Variants in CCSER1 observed in about 807,000 individuals in gnomAD.
The protein encoded by CCSER1 is coiled-coil serine rich protein 1.
Under a neutral mutation model 82.0 loss-of-function variants are expected in CCSER1, and 41 were observed. That is an observed-to-expected ratio of 0.50 (90% CI 0.39 to 0.65). The LOEUF is 0.65. CCSER1 is among the 30% of genes least tolerant of loss of function. The pLI is 0.00. For missense variants in CCSER1, 1,119 were observed against 1,064.2 expected (o/e 1.05, Z -0.72); for synonymous variants, 414 against 383.9 (o/e 1.08, Z -0.92).
intron 1 of CCSER1, among the ~76,000 whole-genome samples, chr4:90,178,562 A>G (rs1013604840): frequency 2.0e-5 from 3 of 152,096 alleles, no homozygotes; most frequent in African/African-American, 7.2e-5. Flanking sequence ...TTACTAGGGA[A>G]AATTGAATAT....
At chr4:90,704,791 CA>C (rs1203234390) in intron 6 of CCSER1, among the ~76,000 whole-genome samples, 1 of 152,186 alleles carries the variant, frequency 6.6e-6, no homozygotes, top group East Asian at 1.9e-4. Context: ...GTGCATTTGT[CA>C]CGTAGTTCTC....
At chr4:90,635,031 A>G (rs1363828184) in intron 6 of CCSER1, among the ~76,000 whole-genome samples, 2 of 151,792 alleles carry the variant, frequency 1.3e-5, no homozygotes, top group Admixed American at 6.6e-5. Flanking sequence ...CACAGCAATC[A>G]AACATGTGGA....
At chr4:90,227,741 GT>G (rs1743474365) in intron 1 of CCSER1, among the ~76,000 whole-genome samples, 1 of 152,230 alleles carries the variant, frequency 6.6e-6, no homozygotes, top group African/African-American at 2.4e-5. Context: ...GTGCCAGACA[GT>G]GGGCGCAAGT....
rs1347285746 is a variant in CCSER1 at position 91,062,989 on chromosome 4, A to T, written c.2173-22961A>T. ...ATGATTTATTTGAGCACAGTTTAGT[A>T]CTCTATTAGACTATGTTGAGAGATC... On this transcript the variant is annotated intron_variant, in intron 9 of 10. Coordinates refer to ENST00000509176, the MANE Select transcript of CCSER1 (RefSeq NM_001145065.2). Among the ~76,000 whole-genome samples, 7 of 152,098 alleles carry T rather than the reference A, an allele frequency of 4.6e-5. 1 individual carries two copies. In the East Asian group the frequency reaches 1.3e-3, roughly 29 times the overall value.
intron 9 of CCSER1, among the ~76,000 whole-genome samples, chr4:90,964,166 C>T (rs1346680287): frequency 6.6e-6 from 1 of 152,102 alleles, no homozygotes; most frequent in East Asian, 1.9e-4. Context: ...GTAAACAATG[C>T]AGTTGCTTAA....
chr4:90,129,906 G>A (rs993551834), intron 1 of CCSER1, among the ~76,000 whole-genome samples: 17 of 152,148 alleles, frequency 1.1e-4, no homozygotes, highest in Non-Finnish European at 2.5e-4. Context: ...CAAACTATTT[G>A]AACATAGATA....
intron 10 of CCSER1, among the ~76,000 whole-genome samples, chr4:91,591,290 C>T (rs574518215): frequency 6.6e-5 from 10 of 151,978 alleles, no homozygotes; most frequent in African/African-American, 1.2e-4. Context: ...AATATTCATA[C>T]GTGCTTTTAT....
chr4:90,487,457 T>A (rs1310347636), intron 5 of CCSER1, among the ~76,000 whole-genome samples: 2 of 152,238 alleles, frequency 1.3e-5, no homozygotes, highest in Non-Finnish European at 2.9e-5. Flanking sequence ...TACATAATAT[T>A]CCTTTCTATC....
intron 10 of CCSER1, among the ~76,000 whole-genome samples, chr4:91,219,966 T>C (rs1480251349): frequency 6.6e-6 from 1 of 152,172 alleles, no homozygotes; most frequent in East Asian, 1.9e-4. Context: ...TCTCTTAAAA[T>C]GTAAATTTAC....
intron 10 of CCSER1, among the ~76,000 whole-genome samples, chr4:91,383,610 A>C (rs1751081830): frequency 6.6e-6 from 1 of 152,156 alleles, no homozygotes; most frequent in Admixed American, 6.6e-5. Flanking sequence ...CTTTTGTGCT[A>C]TAGTTTCAAA....
intron 4 of CCSER1, among the ~76,000 whole-genome samples, chr4:90,464,066 A>G (rs1468659831): frequency 1.3e-5 from 2 of 152,274 alleles, no homozygotes; most frequent in East Asian, 3.9e-4. Flanking sequence ...TGGAAGAAAC[A>G]TTTTAGGGAA....
At chr4:91,004,477 T>C (rs1392924310) in intron 9 of CCSER1, among the ~76,000 whole-genome samples, 1 of 152,250 alleles carries the variant, frequency 6.6e-6, no homozygotes, top group Non-Finnish European at 1.5e-5. Context: ...AATTTCATCT[T>C]TTCCTTAATG....
chr4:91,052,509 A>C (rs977567422), intron 9 of CCSER1, among the ~76,000 whole-genome samples: 1 of 152,122 alleles, frequency 6.6e-6, no homozygotes, highest in Non-Finnish European at 1.5e-5. Context: ...AGTTGAAACA[A>C]GGTGGTTTCA....
intron 8 of CCSER1, among the ~76,000 whole-genome samples, chr4:90,821,003 C>T (rs1191929880): frequency 6.6e-6 from 1 of 151,962 alleles, no homozygotes; most frequent in Admixed American, 6.6e-5. Context: ...TGAAGAATTT[C>T]AATGTGTTTA....
chr4:91,142,158 T>G (rs1422121796), intron 10 of CCSER1, among the ~76,000 whole-genome samples: 1 of 152,132 alleles, frequency 6.6e-6, no homozygotes, highest in African/African-American at 2.4e-5. Flanking sequence ...TGGAGATAAT[T>G]GAATCATGGG....
At chr4:91,148,993 T>C (rs1301521945) in intron 10 of CCSER1, among the ~76,000 whole-genome samples, 1 of 141,400 alleles carries the variant, frequency 7.1e-6, no homozygotes, top group African/African-American at 2.6e-5. Context: ...CCTTTGGGTA[T>C]ATACCCAGCA....
intron 6 of CCSER1, among the ~76,000 whole-genome samples, chr4:90,629,896 A>G (rs1724047311): frequency 6.6e-6 from 1 of 152,182 alleles, no homozygotes; most frequent in African/African-American, 2.4e-5. Flanking sequence ...TTGTTTTACT[A>G]TTATCTACAC....
chr4:90,593,312 G>A (rs1175372826), intron 5 of CCSER1, among the ~76,000 whole-genome samples: 1 of 152,058 alleles, frequency 6.6e-6, no homozygotes, highest in Admixed American at 6.6e-5. Flanking sequence ...AGGGGGTACA[G>A]GTTCTTGACG....
intron 9 of CCSER1, among the ~76,000 whole-genome samples, chr4:91,034,333 C>T (rs1437954458): frequency 6.6e-6 from 1 of 152,078 alleles, no homozygotes; most frequent in Admixed American, 6.6e-5. Flanking sequence ...GTTTACTTCA[C>T]GCTGCACTTT....
Sources: gnomAD v4.1 joint callset for allele counts (sites outside exome capture counted in the v4.1 genomes callset) on GRCh38, gnomAD v4.1.1 for gene constraint, MANE v1.5 for transcripts, NCBI Gene and HGNC (gene_info 2026-07-23, HGNC 2026-07-21) for gene names.